The following LPP variants were observed in gnomAD, a reference collection of about 807,000 sequenced individuals.
LPP encodes the protein lipoma-preferred partner.
In LPP, 38 loss-of-function variants were observed where a neutral mutation model predicts 60.4. The ratio of observed to expected loss-of-function variants is 0.63; its 90% confidence interval spans 0.49 to 0.83. The LOEUF (loss-of-function observed/expected upper bound fraction) is 0.83. LPP is among the 40% of genes least tolerant of loss of function. LPP has a pLI of 0.00. For missense variants in LPP, 902 were observed against 783.6 expected, an observed-to-expected ratio of 1.15 and a Z score of -1.80; for synonymous variants, 328 against 290.8, an observed-to-expected ratio of 1.13 and a Z score of -1.30.
Position 188,872,655 on chromosome 3 carries a change from G to C in LPP, c.1602G>C (p.Pro534=). ...TCTTCACTTTCAGGAAATTTGCCCCGCGATGTTCTGTGTGCAAGGAGCCTA... is the reference window on the plus strand; with the variant it reads ...TCTTCACTTTCAGGAAATTTGCCCCCCGATGTTCTGTGTGCAAGGAGCCTA... The part of the protein sequence containing the change: ...CIEDFHKKFA[P]RCSVCKEPIM... Residue 534 remains proline, a synonymous_variant, in exon 11 of 12, where the codon CCG becomes CCC. Transcript: ENST00000617246. The C allele has an allele frequency of 6.2e-7, 1 of 1,614,026 alleles. No homozygotes were observed.
intron 1 of LPP, among the ~76,000 whole-genome samples, chr3:188,209,371 C>G (rs1459315629): frequency 6.6e-5 from 10 of 152,140 alleles, no homozygotes; most frequent in Admixed American, 2.0e-4. Flanking sequence ...ACTACATGGG[C>G]CTTGACGGCG....
At chr3:188,654,002 A>T (rs557337391) in intron 7 of LPP, among the ~76,000 whole-genome samples, 1 of 152,316 alleles carries the variant, frequency 6.6e-6, no homozygotes, top group East Asian at 1.9e-4. Context: ...GTCCGCTGTG[A>T]CCTTAGTCTT....
intron 4 of LPP, among the ~76,000 whole-genome samples, chr3:188,465,809 CT>C (rs1419488693): frequency 6.6e-6 from 1 of 152,050 alleles, no homozygotes. Context: ...AATTTTCCGT[CT>C]TGGTAATTTG....
intron 3 of LPP, among the ~76,000 whole-genome samples, chr3:188,347,226 A>G (rs1055967341): frequency 6.6e-5 from 10 of 152,166 alleles, no homozygotes; most frequent in African/African-American, 2.4e-4. Flanking sequence ...AAACCATGGA[A>G]ATTTCTGGTA....
At chr3:188,647,692 A>G (rs772994388) in intron 7 of LPP, among the ~76,000 whole-genome samples, 1 of 152,182 alleles carries the variant, frequency 6.6e-6, no homozygotes, top group African/African-American at 2.4e-5. Flanking sequence ...TGGATTTAAG[A>G]GAGAGCATCT....
intron 7 of LPP, among the ~76,000 whole-genome samples, chr3:188,699,451 C>A (rs1863937685): frequency 6.6e-6 from 1 of 152,120 alleles, no homozygotes; most frequent in Non-Finnish European, 1.5e-5. Flanking sequence ...TAAGAAAAGG[C>A]ATTTTATGGG....
intron 4 of LPP, among the ~76,000 whole-genome samples, chr3:188,418,956 T>C (rs1396443432): frequency 6.6e-6 from 1 of 152,172 alleles, no homozygotes; most frequent in African/African-American, 2.4e-5. Flanking sequence ...AGAAATGGCA[T>C]TTTAATTCGT....
At chr3:188,189,080 G>A (rs1405983686) in intron 1 of LPP, among the ~76,000 whole-genome samples, 1 of 152,056 alleles carries the variant, frequency 6.6e-6, no homozygotes, top group East Asian at 1.9e-4. Flanking sequence ...GTCCAACAGT[G>A]CTATTTTATT....
intron 9 of LPP, among the ~76,000 whole-genome samples, chr3:188,800,533 C>T (rs757776830): frequency 4.6e-5 from 7 of 152,154 alleles, no homozygotes; most frequent in East Asian, 1.9e-4. Context: ...GCGTGAGCCA[C>T]CACACCCGGC....
At chr3:188,429,941 G>A (rs578075796) in intron 4 of LPP, among the ~76,000 whole-genome samples, 2 of 152,248 alleles carry the variant, frequency 1.3e-5, no homozygotes, top group South Asian at 2.1e-4. Flanking sequence ...ACTGTTATAT[G>A]TGGCCGTATT....
At chr3:188,788,410 C>G (rs1443695410) in intron 9 of LPP, among the ~76,000 whole-genome samples, 1 of 152,208 alleles carries the variant, frequency 6.6e-6, no homozygotes, top group Non-Finnish European at 1.5e-5. Flanking sequence ...CAAAAACTCT[C>G]CTCCTTCAGG....
At chr3:188,588,375 G>C (rs541474287) in intron 6 of LPP, among the ~76,000 whole-genome samples, 9 of 152,138 alleles carry the variant, frequency 5.9e-5, no homozygotes, top group Admixed American at 1.3e-4. Flanking sequence ...CCTAATATTT[G>C]TCCCTTAATT....
At chr3:188,548,293 G>A (rs563280748) in intron 6 of LPP, among the ~76,000 whole-genome samples, 2 of 152,266 alleles carry the variant, frequency 1.3e-5, no homozygotes, top group South Asian at 4.2e-4. Context: ...CTAGGGAACT[G>A]GACTTCTTGT....
chr3:188,886,872 G>A lies in LPP; in HGVS notation c.*12393G>A, dbSNP rs1050039394. The stretch of plus-strand genomic sequence containing the variant: ...CTAAACCTGACCCATTTTTGTAACA[G>A]CTAAAAAGGAGAAGAAAAAGCTAGT... On this transcript the variant is annotated 3_prime_UTR_variant, in exon 12 of 12. Coordinates refer to ENST00000617246, the MANE Select transcript of LPP (RefSeq NM_001375462.1). 3.1e-5 allele frequency: 7 copies of A among 229,462 alleles called. No homozygotes were observed. Among genetic ancestry groups the A allele is most frequent in the Non-Finnish European group, 6.0e-5 (7 of 115,964 alleles). The allele number at this position is 229,462 out of a possible 1,614,324, so 14.2% of individuals were successfully genotyped here.
chr3:188,353,258 CACCTGG>C (rs1766485563), intron 3 of LPP, among the ~76,000 whole-genome samples: 1 of 152,144 alleles, frequency 6.6e-6, no homozygotes, highest in Admixed American at 6.5e-5. Context: ...TTTAATCAGG[CACCTGG>C]AAGAGATCTA....
intron 5 of LPP, among the ~76,000 whole-genome samples, chr3:188,495,082 A>ATATTT (rs1342207321): frequency 0.017 from 1,621 of 97,252 alleles, 160 homozygotes; most frequent in African/African-American, 0.057. Flanking sequence ...ATATATATAT[A>ATATTT]TTTTATTTAT....
chr3:188,615,764 A>G (rs1844721378), intron 7 of LPP, among the ~76,000 whole-genome samples: 1 of 152,174 alleles, frequency 6.6e-6, no homozygotes. Context: ...TGACTTTTTA[A>G]TAATAGCCAT....
At chr3:188,819,524 T>TG (rs1364425963) in intron 9 of LPP, among the ~76,000 whole-genome samples, 2 of 152,146 alleles carry the variant, frequency 1.3e-5, no homozygotes, top group Admixed American at 6.5e-5. Flanking sequence ...TTGACTTTGT[T>TG]GAAGGGTATT....
At chr3:188,671,072 G>A (rs1856860963) in intron 7 of LPP, among the ~76,000 whole-genome samples, 1 of 152,046 alleles carries the variant, frequency 6.6e-6, no homozygotes. Context: ...TTCTCTCTAC[G>A]TTCTAAAATC....
Sources: allele counts gnomAD v4.1 joint callset (sites outside exome capture counted in the v4.1 genomes callset), GRCh38; gene constraint gnomAD v4.1.1; transcripts MANE v1.5; gene names NCBI Gene and HGNC (gene_info 2026-07-23, HGNC 2026-07-21).